ARHGAP8: variants seen among roughly 807,000 people sequenced by gnomAD.
ARHGAP8 encodes Rho GTPase activating protein 8, also known as rho GTPase-activating protein 8.
A neutral mutation model predicts 46.1 loss-of-function variants in ARHGAP8; 62 were observed. The observed-to-expected ratio is 1.34, with a 90% CI of 1.10 to 1.66. The LOEUF (loss-of-function observed/expected upper bound fraction) is 1.66. Ranked by LOEUF, ARHGAP8 falls within the 40% of genes most tolerant of loss-of-function variation. The pLI is 0.00. For missense variants in ARHGAP8, 923 were observed against 568.4 expected (o/e 1.62, Z -6.34); for synonymous variants, 375 against 243.1 (o/e 1.54, Z -5.05).
intron 4 of ARHGAP8, among the ~76,000 whole-genome samples, chr22:44,810,431 G>A (rs955674246): frequency 2.2e-4 from 34 of 151,980 alleles, no homozygotes; most frequent in African/African-American, 6.8e-4. Flanking sequence ...TAGTAGAGAC[G>A]GGGTTTCACT....
At chr22:44,803,680 T>TGCACACACCCCCTCCCAG (rs1928727254) in intron 3 of ARHGAP8, among the ~76,000 whole-genome samples, 1 of 24,198 alleles carries the variant, frequency 4.1e-5, no homozygotes, top group East Asian at 1.5e-3. Context: ...CCCCCTCCCG[T>TGCACACACCCCCTCCCAG]GCACACACCC....
At chr22:44,848,083 T>C in intron 9 of ARHGAP8, 33 bp downstream of exon 9, 1 of 1,601,626 alleles carries the variant, frequency 6.2e-7, no homozygotes, top group Non-Finnish European at 8.5e-7. Flanking sequence ...AGCCCCGAGC[T>C]GCCTGGTCAG....
intron 2 of ARHGAP8, among the ~76,000 whole-genome samples, chr22:44,789,368 C>A (rs1473550817): frequency 6.6e-6 from 1 of 152,110 alleles, no homozygotes; most frequent in Non-Finnish European, 1.5e-5. Flanking sequence ...CCAGGCTGGT[C>A]TCAAACTCCT....
At chr22:44,848,385 C>T (rs1308989552) in intron 9 of ARHGAP8, among the ~76,000 whole-genome samples, 2 of 152,194 alleles carry the variant, frequency 1.3e-5, no homozygotes, top group East Asian at 1.9e-4. Context: ...GCAGCTCCCC[C>T]GAATTGGCTC....
Position 44,835,292 on chromosome 22 carries a change from A to G in ARHGAP8, c.596+9699A>G, listed in dbSNP as rs572288070. On this transcript the variant is annotated intron_variant, in intron 7 of 11. Transcript: ENST00000356099. The stretch of plus-strand genomic sequence containing the variant: ...ATTGTTGCCTTAGGGATTAGAATTT[A>G]TATCTTAATTTATAACCATCTAGTT... Among the ~76,000 whole-genome samples the G allele has an allele frequency of 7.9e-5, 12 of 151,964 alleles. No homozygotes were observed. In the South Asian group the frequency reaches 2.3e-3, roughly 29 times the overall value.
intron 2 of ARHGAP8, among the ~76,000 whole-genome samples, chr22:44,798,650 C>A (rs866034196): frequency 2.0e-5 from 3 of 151,960 alleles, no homozygotes; most frequent in African/African-American, 7.2e-5. Flanking sequence ...CCCTCAAGAT[C>A]AGCGCTGCCC....
chr22:44,854,203 G>A (rs2070166108), intron 10 of ARHGAP8, among the ~76,000 whole-genome samples: 1 of 151,588 alleles, frequency 6.6e-6, no homozygotes, highest in African/African-American at 2.4e-5. Flanking sequence ...CACTGAATAA[G>A]GCTAGTTGTC....
chr22:44,762,839 C>T (rs1300306227), intron 1 of ARHGAP8, among the ~76,000 whole-genome samples: 1 of 152,102 alleles, frequency 6.6e-6, no homozygotes, highest in Non-Finnish European at 1.5e-5. Context: ...CCACCGTTCC[C>T]AGCGATTATG....
chr22:44,811,339 C>G (rs937013264), intron 4 of ARHGAP8, among the ~76,000 whole-genome samples: 2 of 152,238 alleles, frequency 1.3e-5, no homozygotes, highest in African/African-American at 2.4e-5. Flanking sequence ...AGGCCGGCCT[C>G]GTGGCAACCT....
chr22:44,824,697 A>G (rs752521904), intron 6 of ARHGAP8, among the ~76,000 whole-genome samples: 8 of 148,408 alleles, frequency 5.4e-5, no homozygotes, highest in Non-Finnish European at 1.0e-4. Flanking sequence ...CAATGGCGCA[A>G]TCTCGGCTCT....
In ARHGAP8 at chr22:44,862,308, A is replaced by G. The variant is rs1190232724; in HGVS notation, c.1015A>G (p.Ser339Gly). The change falls in exon 12 of 12, where the codon AGC becomes GGC. Residue 339 changes from serine to glycine, a missense_variant. Physicochemically the swap from Ser to Gly is moderately conservative, Grantham distance 56. Coordinates refer to ENST00000356099, the MANE Select transcript of ARHGAP8 (RefSeq NM_181335.3). ...GGAGAGCATCTTCAACAAAATGAAC[A>G]GCTCTAACCTGGCCTGTGTCTTCGG... is the stretch of plus-strand genomic sequence containing the variant. The part of the protein sequence containing the change: ...SRESIFNKMN[S>G]SNLACVFGLN... 8 of 1,602,088 alleles carry G rather than the reference A, an allele frequency of 5.0e-6. No individual in the cohort carries two copies. Among genetic ancestry groups the G allele is most frequent in the African/African-American group, 2.7e-5 (2 of 74,668 alleles).
chr22:44,857,428 C>CA (rs772078874), intron 10 of ARHGAP8, among the ~76,000 whole-genome samples: 2 of 152,080 alleles, frequency 1.3e-5, no homozygotes, highest in Non-Finnish European at 2.9e-5. Context: ...CTTGGACTAA[C>CA]AAAAGACAGA....
Position 44,825,522 on chromosome 22 carries a change from G to T in ARHGAP8, c.525G>T (p.Thr175=). The T allele has an allele frequency of 6.2e-7, 1 of 1,613,218 alleles. No individual in the cohort carries two copies. Among genetic ancestry groups the T allele is most frequent in the African/African-American group, 1.3e-5 (1 of 74,952 alleles). Residue 175 remains threonine, a synonymous_variant, in exon 7 of 12, where the codon ACG becomes ACT. Coordinates refer to ENST00000356099, the MANE Select transcript of ARHGAP8 (RefSeq NM_181335.3). ...EKLQSLHEGR[T]PPPTKTPPPR... is the part of the protein sequence containing the mutation. ...TCCAGAGCCTGCACGAGGGCCGGAC[G>T]CCGCCTCCCACCAAGACACCACCGC...
chr22:44,847,973 G>T lies in ARHGAP8; in HGVS notation c.671G>T (p.Gly224Val), dbSNP rs143372796. The T allele has an allele frequency of 7.8e-5, 125 of 1,607,074 alleles. 1 individual carries two copies. Among genetic ancestry groups the T allele is most frequent in the Admixed American group, 4.8e-4 (29 of 60,008 alleles). The change falls in exon 9 of 12, where the codon GGC becomes GTC. Residue 224 changes from glycine to valine, a missense_variant and splice_region_variant. Gly to Val is a moderately radical substitution (Grantham distance 109, BLOSUM62 -3). Transcript: ENST00000356099. ...ATGCCTGGAAGCTCCTCTCCTGCAG[G>T]CCTGCGCACCGAGGGCCTGTTCCGG... ...RFTVTYLREK[G>V]LRTEGLFRRS... is the part of the protein sequence containing the mutation.
At chr22:44,854,198 A>C (rs900169054) in intron 10 of ARHGAP8, among the ~76,000 whole-genome samples, 1 of 151,660 alleles carries the variant, frequency 6.6e-6, no homozygotes, top group Non-Finnish European at 1.5e-5. Flanking sequence ...CATAACACTG[A>C]ATAAGGCTAG....
intron 10 of ARHGAP8, among the ~76,000 whole-genome samples, chr22:44,854,434 T>C (rs562204952): frequency 5.3e-5 from 8 of 151,876 alleles, no homozygotes; most frequent in Middle Eastern, 3.2e-3. Flanking sequence ...GGCTTCACCA[T>C]GTTGCCCAGG....
chr22:44,790,420 A>T (rs1173451361), intron 2 of ARHGAP8, among the ~76,000 whole-genome samples: 2 of 152,016 alleles, frequency 1.3e-5, no homozygotes, highest in African/African-American at 4.8e-5. Context: ...TCATGCCTGT[A>T]ATCCCAGTAC....
chr22:44,856,654 C>A (rs535819452), intron 10 of ARHGAP8, among the ~76,000 whole-genome samples: 1 of 144,420 alleles, frequency 6.9e-6, no homozygotes, highest in East Asian at 2.0e-4. Flanking sequence ...AAGGCAAGTT[C>A]TCAGGACACA....
intron 10 of ARHGAP8, among the ~76,000 whole-genome samples, chr22:44,858,120 T>G (rs1220351429): frequency 1.3e-5 from 2 of 152,226 alleles, no homozygotes; most frequent in African/African-American, 2.4e-5. Context: ...CATGGAATAA[T>G]GGCTTTTATT....
Sources: allele counts gnomAD v4.1 joint callset (sites outside exome capture counted in the v4.1 genomes callset), GRCh38; gene constraint gnomAD v4.1.1; transcripts MANE v1.5; gene names NCBI Gene and HGNC (gene_info 2026-07-23, HGNC 2026-07-21).